Variants in ORC5 observed in about 807,000 individuals in gnomAD.
The protein encoded by ORC5 is origin recognition complex subunit 5.
In ORC5, 39 loss-of-function variants were observed where a neutral mutation model predicts 58.8. That is an observed-to-expected ratio of 0.66 (90% confidence interval 0.51 to 0.87). The LOEUF is 0.87. ORC5 is among the 40% of genes least tolerant of loss of function. The pLI is 0.00. For missense variants in ORC5, 493 were observed against 506.3 expected (o/e 0.97, Z 0.25); for synonymous variants, 218 against 177.6 (o/e 1.23, Z -1.81).
intron 12 of ORC5, among the ~76,000 whole-genome samples, chr7:104,156,613 G>C (rs1798929246): frequency 1.3e-5 from 2 of 151,622 alleles, no homozygotes; most frequent in African/African-American, 2.4e-5. Flanking sequence ...CACAAAATAA[G>C]TTTAAACAAT....
chr7:104,199,753 A>G (rs1403933617), intron 3 of ORC5, among the ~76,000 whole-genome samples: 3 of 152,112 alleles, frequency 2.0e-5, no homozygotes, highest in Non-Finnish European at 4.4e-5. Context: ...ACTTTGGGGG[A>G]CTATTGGGAA....
At chr7:104,154,489 T>C (rs949586679) in intron 12 of ORC5, among the ~76,000 whole-genome samples, 2 of 152,022 alleles carry the variant, frequency 1.3e-5, no homozygotes, top group African/African-American at 4.8e-5. Context: ...TCACAGTAAA[T>C]ACATATATAC....
chr7:104,191,461 C>A (rs1427060646), intron 5 of ORC5, among the ~76,000 whole-genome samples: 1 of 152,096 alleles, frequency 6.6e-6, no homozygotes, highest in East Asian at 1.9e-4. Flanking sequence ...TCAGACTGCA[C>A]TTCTGAGTAC....
chr7:104,145,849 C>T (rs190537033), intron 12 of ORC5, among the ~76,000 whole-genome samples: 9 of 152,072 alleles, frequency 5.9e-5, no homozygotes, highest in Admixed American at 2.6e-4. Flanking sequence ...CACAACTGAG[C>T]GGCAAAAGGC....
chr7:104,198,094 T>C (rs1437026338), intron 3 of ORC5, among the ~76,000 whole-genome samples: 1 of 152,242 alleles, frequency 6.6e-6, no homozygotes, highest in East Asian at 1.9e-4. Context: ...ACTTTCATCA[T>C]GAGAGGAGGC....
chr7:104,137,112 T>TTTTTC (rs925782508), intron 12 of ORC5, among the ~76,000 whole-genome samples: 2 of 151,562 alleles, frequency 1.3e-5, no homozygotes, highest in African/African-American at 4.8e-5. Context: ...GTTTTTTTTT[T>TTTTTC]TTTTCTTAGA....
chr7:104,156,632 C>G (rs1048763599), intron 12 of ORC5, among the ~76,000 whole-genome samples: 1 of 151,688 alleles, frequency 6.6e-6, no homozygotes, highest in Non-Finnish European at 1.5e-5. Flanking sequence ...ATTATTTAGT[C>G]AGTAAATCCA....
intron 13 of ORC5, among the ~76,000 whole-genome samples, chr7:104,127,315 C>A (rs1451473841): frequency 6.6e-6 from 1 of 152,184 alleles, no homozygotes; most frequent in African/African-American, 2.4e-5. Context: ...TTACATAATG[C>A]ATAGCTCATC....
At chr7:104,152,294 C>T (rs991467955) in intron 12 of ORC5, among the ~76,000 whole-genome samples, 2 of 151,958 alleles carry the variant, frequency 1.3e-5, no homozygotes, top group Admixed American at 6.6e-5. Flanking sequence ...ATTACAATCA[C>T]GCACCACCAC....
rs923472771 is a variant in ORC5, at chr7:104,136,024, C to A, written c.1262+757G>T. On this transcript the variant is annotated intron_variant, in intron 13 of 13. Coordinates refer to ENST00000297431, the MANE Select transcript of ORC5 (RefSeq NM_002553.4). This position sits in a 1 kb window ranked among gnomAD's most constrained non-coding sequence, Gnocchi z 4.2. ...AATGGTTTGAACATTTTCCATAACA[C>A]TAAGAACACCTCTTTGTAAGGAAAC... Among the ~76,000 whole-genome samples the A allele has an allele frequency of 6.6e-6, 1 of 152,156 alleles. No individual in the cohort carries two copies. Among genetic ancestry groups the A allele is most frequent in the African/African-American group, 2.4e-5 (1 of 41,430 alleles).
rs1799773455 is a variant in ORC5 at position 104,195,264 on chromosome 7, G to C, written c.442-10C>G. On this transcript the variant is annotated splice_polypyrimidine_tract_variant and intron_variant, in intron 4 of 13. Coordinates refer to ENST00000297431, the MANE Select transcript of ORC5 (RefSeq NM_002553.4). ...TCACATTTCTGTCAGCCTGTAAAAA[G>C]AAAGAAATAAAAGTAACTTCGCATT... The C allele has an allele frequency of 1.4e-6, 2 of 1,474,346 alleles. No homozygotes were observed. Among genetic ancestry groups the C allele is most frequent in the Non-Finnish European group, 1.8e-6 (2 of 1,096,146 alleles). The allele number at this position is 1,474,346 out of a possible 1,614,324, so 91.3% of individuals were successfully genotyped here.
At chr7:104,188,849 T>C (rs897137083) in intron 5 of ORC5, among the ~76,000 whole-genome samples, 2 of 152,024 alleles carry the variant, frequency 1.3e-5, no homozygotes, top group African/African-American at 4.8e-5. Flanking sequence ...TCATGAGATC[T>C]GGTTGTTTCA....
At chr7:104,161,006 T>C in intron 12 of ORC5, 66 bp downstream of exon 12, 1 of 873,142 alleles carries the variant, frequency 1.1e-6, no homozygotes. Flanking sequence ...TGCCTGGAAT[T>C]CTATTGACTC....
intron 12 of ORC5, among the ~76,000 whole-genome samples, chr7:104,156,621 A>G (rs1798929385): frequency 6.6e-6 from 1 of 151,824 alleles, no homozygotes; most frequent in Non-Finnish European, 1.5e-5. Context: ...AAGTTTAAAC[A>G]ATTATTTAGT....
At chr7:104,188,721 G>A (rs1451975289) in intron 5 of ORC5, among the ~76,000 whole-genome samples, 1 of 152,016 alleles carries the variant, frequency 6.6e-6, no homozygotes, top group East Asian at 1.9e-4. Context: ...GGGTGATATG[G>A]TTTGGCTCTG....
At chr7:104,207,477 T>C (rs554911074) in intron 1 of ORC5, among the ~76,000 whole-genome samples, 8 of 152,322 alleles carry the variant, frequency 5.3e-5, no homozygotes, top group Admixed American at 1.3e-4. Flanking sequence ...TGAACTTACA[T>C]TTGAATAAAT....
At chr7:104,131,458 T>C (rs557286118) in intron 13 of ORC5, among the ~76,000 whole-genome samples, 1 of 152,346 alleles carries the variant, frequency 6.6e-6, no homozygotes, top group South Asian at 2.1e-4. Context: ...TTAACTCTCC[T>C]TCTCTATCTG....
At chr7:104,189,380 C>G (rs144015534) in intron 5 of ORC5, among the ~76,000 whole-genome samples, 2 of 152,078 alleles carry the variant, frequency 1.3e-5, no homozygotes, top group Non-Finnish European at 2.9e-5. Context: ...ATCTTGAGAA[C>G]AGCATGGGGG....
intron 6 of ORC5, among the ~76,000 whole-genome samples, chr7:104,186,616 A>C (rs11770973): frequency 0.047 from 7,081 of 152,254 alleles, 220 homozygotes; most frequent in Middle Eastern, 0.099. Flanking sequence ...GCATCTTTCC[A>C]GAAAAGATCC....
Sources: gnomAD v4.1 joint callset for allele counts (sites outside exome capture counted in the v4.1 genomes callset) on GRCh38, gnomAD v4.1.1 for gene constraint, Gnocchi (gnomAD v3.1) non-coding constraint, MANE v1.5 for transcripts, NCBI Gene and HGNC (gene_info 2026-07-23, HGNC 2026-07-21) for gene names.